REV3L: variants seen among roughly 807,000 people sequenced by gnomAD.
REV3L encodes the protein REV3 like, DNA directed polymerase zeta catalytic subunit.
In REV3L, 69 loss-of-function variants were observed where a neutral mutation model predicts 299.4. The observed-to-expected ratio is 0.23, with a 90% confidence interval of 0.19 to 0.28. The LOEUF is 0.28. REV3L is among the 10% of genes least tolerant of loss of function. The pLI is 1.00. For missense variants in REV3L, 3,128 were observed against 3,693.8 expected, an observed-to-expected ratio of 0.85 and a Z score of 3.97; for synonymous variants, 1,238 against 1,271.4, an observed-to-expected ratio of 0.97 and a Z score of 0.56.
intron 14 of REV3L, among the ~76,000 whole-genome samples, chr6:111,366,438 A>AT (rs1440843292): frequency 3.9e-5 from 6 of 152,190 alleles, no homozygotes; most frequent in Non-Finnish European, 5.9e-5. Context: ...AAGCCTTAAT[A>AT]AACTCCAACA....
chr6:111,428,899 C>G (rs1420154320), intron 1 of REV3L, among the ~76,000 whole-genome samples: 1 of 151,964 alleles, frequency 6.6e-6, no homozygotes, highest in Non-Finnish European at 1.5e-5. Flanking sequence ...TAAGACAACA[C>G]CAAATAGATT....
chr6:111,326,541 G>T lies in REV3L; in HGVS notation c.8241+2991C>A, dbSNP rs546237935. ...TAGAGCCACTATGTAGAACAATATA[G>T]GATGCTGCAAAAATCTAAAAATAGA... is the stretch of plus-strand genomic sequence containing the variant. On this transcript the variant is annotated intron_variant, in intron 25 of 31. Transcript: ENST00000368802. Among the ~76,000 whole-genome samples the T allele has an allele frequency of 1.3e-3, 197 of 152,012 alleles. 1 individual carries two copies. Among genetic ancestry groups the T allele is most frequent in the Middle Eastern group, 3.4e-3 (1 of 292 alleles).
chr6:111,407,103 C>T (rs1397423773), intron 3 of REV3L, among the ~76,000 whole-genome samples: 3 of 152,048 alleles, frequency 2.0e-5, no homozygotes, highest in African/African-American at 7.3e-5. Context: ...GAGCAAGATC[C>T]TGTGTCTTAA....
intron 4 of REV3L, among the ~76,000 whole-genome samples, chr6:111,404,021 T>A (rs937028342): frequency 3.3e-5 from 5 of 152,152 alleles, no homozygotes; most frequent in African/African-American, 1.2e-4. Context: ...AGATAACTGA[T>A]GAAGGTGGAT....
At chr6:111,401,310 GCTTTTCTT>G (rs750016626) in intron 4 of REV3L, among the ~76,000 whole-genome samples, 6 of 152,180 alleles carry the variant, frequency 3.9e-5, no homozygotes, top group Non-Finnish European at 7.3e-5. Context: ...TCTCTGTCCT[GCTTTTCTT>G]CTATCTTCCC....
intron 20 of REV3L, among the ~76,000 whole-genome samples, chr6:111,347,523 GATA>G (rs916092727): frequency 3.9e-5 from 6 of 151,956 alleles, no homozygotes; most frequent in African/African-American, 9.7e-5. Context: ...GAGCCAAGAA[GATA>G]ATAATAATAA....
At chr6:111,368,211 T>C (rs540241195) in intron 13 of REV3L, among the ~76,000 whole-genome samples, 183 bp from the exon 14 acceptor site, 1 of 152,306 alleles carries the variant, frequency 6.6e-6, no homozygotes, top group Admixed American at 6.5e-5. Flanking sequence ...TCCTCACAGG[T>C]ATATGACTAC....
intron 19 of REV3L, among the ~76,000 whole-genome samples, chr6:111,349,854 A>G (rs955871373): frequency 2.0e-5 from 3 of 152,222 alleles, no homozygotes; most frequent in Admixed American, 1.3e-4. Context: ...ATTTGTTGAC[A>G]TCATGTTCAC....
chr6:111,313,327 T>G (rs1169329678), intron 28 of REV3L, 25 bp downstream of exon 28: 1 of 1,588,704 alleles, frequency 6.3e-7, no homozygotes, highest in African/African-American at 1.4e-5. Flanking sequence ...TTCTTACAGA[T>G]GAAGACAAGA....
chr6:111,368,151 C>T, intron 13 of REV3L, 123 bp from the exon 14 acceptor site: 1 of 768,336 alleles, frequency 1.3e-6, no homozygotes, highest in Non-Finnish European at 2.0e-6. Flanking sequence ...ATCTTCCCTG[C>T]CCCCTCTATA....
intron 26 of REV3L, among the ~76,000 whole-genome samples, chr6:111,321,035 AT>A (rs1410684949): frequency 6.6e-6 from 1 of 152,204 alleles, no homozygotes; most frequent in Admixed American, 6.5e-5. Flanking sequence ...CTGGAATCAT[AT>A]AATAACTATA....
At position 111,376,302 on chromosome 6, in the gene REV3L, C is replaced by T. The variant is rs755167273; in HGVS notation, c.2053G>A (p.Glu685Lys). ...ATATGTATAAAAGGGGAATCCTTTT[C>T]GATTTTTCTAATGTTTGTATATTTT... ...SRKYTNIRKI[E>K]KDSPFIHMHR... Residue 685 changes from glutamate to lysine, a missense_variant, in exon 13 of 32, where the codon GAA (glutamate) becomes AAA (lysine). This residue lies in a region of REV3L where 2,409 missense variants were observed against 2,611.8 expected (regional missense o/e 0.92). Transcript: ENST00000368802. 1.2e-6 allele frequency: 2 copies of T among 1,613,422 alleles called. No individual in the cohort carries two copies. Among genetic ancestry groups the T allele is most frequent in the East Asian group, 2.2e-5 (1 of 44,840 alleles).
rs1372667816 is a variant in REV3L, at chr6:111,416,405, T to A, written c.207A>T (p.Gly69=). ...PYLYVPYDGY[G]QQPESYLSQM... is the part of the protein sequence containing the mutation. The stretch of plus-strand genomic sequence containing the variant: ...GAGAAAGATAGCTTTCTGGCTGCTG[T>A]CCATAACCATCGTATGGCACATAGA... Residue 69 remains glycine (G), a synonymous_variant, in exon 2 of 32, where the codon GGA becomes GGT. Coordinates refer to ENST00000368802, the MANE Select transcript of REV3L (RefSeq NM_001372078.1). 1.2e-6 allele frequency: 2 copies of A among 1,613,748 alleles called. No individual in the cohort carries two copies. The highest frequency in any genetic ancestry group is 2.7e-5 in the African/African-American group (2 of 74,938).
chr6:111,469,598 G>C (rs993126024), intron 1 of REV3L, among the ~76,000 whole-genome samples: 1 of 152,076 alleles, frequency 6.6e-6, no homozygotes, highest in Non-Finnish European at 1.5e-5. Flanking sequence ...AAATATACGA[G>C]GCTTGCTGTC....
chr6:111,310,180 C>A, intron 29 of REV3L, 81 bp from the exon 30 acceptor site: 1 of 1,430,322 alleles, frequency 7.0e-7, no homozygotes, highest in Non-Finnish European at 9.2e-7. Flanking sequence ...CAGAATTAAA[C>A]AATAATAAAA....
chr6:111,314,090 C>A (rs1308157044), intron 27 of REV3L, among the ~76,000 whole-genome samples: 3 of 152,166 alleles, frequency 2.0e-5, no homozygotes, highest in Non-Finnish European at 2.9e-5. Flanking sequence ...TTTTAGATTA[C>A]TGGCTCTTAG....
intron 20 of REV3L, among the ~76,000 whole-genome samples, chr6:111,346,513 C>T (rs1318231608): frequency 6.6e-6 from 1 of 152,022 alleles, no homozygotes; most frequent in East Asian, 1.9e-4. Context: ...CAGATGGGGT[C>T]CTGCTTTATC....
rs751405212 is a variant in REV3L at position 111,373,026 on chromosome 6, A to G, written c.5329T>C (p.Leu1777=). 2.5e-6 allele frequency: 4 copies of G among 1,614,016 alleles called. No homozygotes were observed. In the African/African-American group the frequency reaches 4.0e-5, roughly 16 times the overall value. The change falls in exon 13 of 32, where the codon TTG becomes CTG. Residue 1777 remains leucine (L), a synonymous_variant. Coordinates refer to ENST00000368802, the MANE Select transcript of REV3L (RefSeq NM_001372078.1). ...TCTTTGCTTACTGAACTCCTATTCA[A>G]TCTAGATTTTTCACTTAGACAGTCT... ...AEDCLSEKSR[L]NRSSVSKEVF... is the part of the protein sequence containing the mutation.
chr6:111,392,488 T>A (rs1782035818), intron 5 of REV3L, among the ~76,000 whole-genome samples: 1 of 152,168 alleles, frequency 6.6e-6, no homozygotes, highest in South Asian at 2.1e-4. Flanking sequence ...TATTACTTAT[T>A]TAATATTTAT....
Sources: gnomAD v4.1 joint callset for allele counts (sites outside exome capture counted in the v4.1 genomes callset) on GRCh38, gnomAD v4.1.1 for gene constraint, gnomAD v4.1.1 regional missense constraint, MANE v1.5 for transcripts, NCBI Gene and HGNC (gene_info 2026-07-23, HGNC 2026-07-21) for gene names.